TRPM4: variants seen among roughly 807,000 people sequenced by gnomAD.
TRPM4 encodes calcium-activated non-selective cation channel 1.
In TRPM4, 124 loss-of-function variants were observed where a neutral mutation model predicts 135.6. The ratio of observed to expected loss-of-function variants is 0.91; its 90% confidence interval spans 0.79 to 1.06. The LOEUF (loss-of-function observed/expected upper bound fraction) is 1.06. TRPM4 is among the 50% of genes least tolerant of loss of function. The probability of loss-of-function intolerance (pLI) is 0.00; values close to 1 mark genes in which losing one functional copy is unlikely to be tolerated. For synonymous variants in TRPM4, 745 were observed against 705.6 expected, an observed-to-expected ratio of 1.06 and a Z score of -0.88; for missense variants, 1,658 against 1,671.4, an observed-to-expected ratio of 0.99 and a Z score of 0.14.
Position 49,198,646 on chromosome 19 carries a change from CAAA to C in TRPM4, c.2646-1634_2646-1632del, listed in dbSNP as rs35173042. Among the ~76,000 whole-genome samples, 106 of 72,682 alleles carry C rather than the reference CAAA, an allele frequency of 1.5e-3. 1 individual carries two copies. The South Asian group carries it at 0.015, about 10-fold the overall frequency. 47.7% of individuals were successfully genotyped at this position (72,682 alleles called of 152,430 possible). A position where few individuals can be genotyped will look rare whatever the true frequency, so the allele number is the denominator to read the frequency against. On this transcript the variant is annotated intron_variant, in intron 17 of 24. Transcript: ENST00000252826. ...CTGGGTGAAAAGAGCAAAACTCTGT[CAAA>C]AAAAAAAAAAAAAAAAAAAGGGAGA...
chr19:49,157,958 A>G, intron 1 of TRPM4, 68 bp downstream of exon 1: 1 of 1,502,944 alleles, frequency 6.7e-7, no homozygotes, highest in Non-Finnish European at 8.9e-7. Flanking sequence ...CCCAGAGAGG[A>G]GGGCGCTGGA....
chr19:49,175,881 C>G (rs980159582), intron 9 of TRPM4, among the ~76,000 whole-genome samples: 5 of 149,340 alleles, frequency 3.3e-5, no homozygotes, highest in African/African-American at 1.2e-4. Context: ...CCCGCCTCGG[C>G]CTCCCAAAGT....
In TRPM4 at chr19:49,211,525, G is replaced by T. The variant is rs763559910; in HGVS notation, c.*27G>T. On this transcript the variant is annotated 3_prime_UTR_variant, in exon 25 of 25. Coordinates refer to ENST00000252826, the MANE Select transcript of TRPM4 (RefSeq NM_017636.4). This position sits in a 1 kb window ranked among gnomAD's most constrained non-coding sequence, Gnocchi z 4.8. ...CCCTGCTGGCGGACTTCAAGGAGAA[G>T]CCCCCACAGGGGATTTTGCTCCTAG... is the stretch of plus-strand genomic sequence containing the variant. The T allele has an allele frequency of 1.2e-6, 2 of 1,613,796 alleles. No individual in the cohort carries two copies. The highest frequency in any genetic ancestry group is 4.5e-5 in the East Asian group (2 of 44,882).
intron 17 of TRPM4, among the ~76,000 whole-genome samples, chr19:49,199,327 C>T (rs1427978564): frequency 1.3e-5 from 2 of 152,006 alleles, no homozygotes; most frequent in Non-Finnish European, 2.9e-5. Flanking sequence ...GGCGCGATCT[C>T]GGCTCACTGC....
chr19:49,182,354 GTCCATCCA>G (rs71180605), intron 10 of TRPM4, among the ~76,000 whole-genome samples: 100 of 79,734 alleles, frequency 1.3e-3, no homozygotes, highest in African/African-American at 3.2e-3. Context: ...CCATCCCTCT[GTCCATCCA>G]TCCATCCATC....
At chr19:49,193,926 C>T (rs1032344802) in intron 16 of TRPM4, among the ~76,000 whole-genome samples, 4 of 150,354 alleles carry the variant, frequency 2.7e-5, no homozygotes, top group Admixed American at 2.0e-4. Flanking sequence ...CCTTCTCCTC[C>T]TCCTCTTCAT....
At chr19:49,200,577 G>A in intron 18 of TRPM4, 34 bp from the exon 19 acceptor site, 1 of 1,608,448 alleles carries the variant, frequency 6.2e-7, no homozygotes, top group Non-Finnish European at 8.5e-7. Context: ...GAGTAGGAAA[G>A]GGCGGGGCCA....
rs536552348 is a variant in TRPM4 at position 49,184,646 on chromosome 19, A to AT, written c.1743+1441dup. Among the ~76,000 whole-genome samples, 86 of 150,930 alleles carry AT rather than the reference A, an allele frequency of 5.7e-4. No homozygotes were observed. In the East Asian group the frequency reaches 0.013, roughly 23 times the overall value. Reference sequence around the variant, plus strand: ...AGGTGCCCGCCACCACGCCCAGCTAATTTTTTTGTATTTTTTTAGAGACAG... The same window carrying AT: ...AGGTGCCCGCCACCACGCCCAGCTAATTTTTTTTGTATTTTTTTAGAGACAG... On this transcript the variant is annotated intron_variant, in intron 12 of 24. Transcript: ENST00000252826.
Position 49,188,942 on chromosome 19 carries a change from C to T in TRPM4, c.1874-4C>T. The T allele has an allele frequency of 6.2e-7, 1 of 1,614,128 alleles. No individual in the cohort carries two copies. Among genetic ancestry groups the T allele is most frequent in the Non-Finnish European group, 8.5e-7 (1 of 1,180,026 alleles). ...CTGTCACATAACTAACTCCTCTGCCCCAGACCTCTTTGGCGAGTGCTATCG... is the reference window on the plus strand; with the variant it reads ...CTGTCACATAACTAACTCCTCTGCCTCAGACCTCTTTGGCGAGTGCTATCG... On this transcript the variant is annotated splice_region_variant and splice_polypyrimidine_tract_variant and intron_variant, in intron 13 of 24. Coordinates refer to ENST00000252826, the MANE Select transcript of TRPM4 (RefSeq NM_017636.4).
At chr19:49,181,313 C>A in intron 9 of TRPM4, 36 bp from the exon 10 acceptor site, 1 of 1,508,552 alleles carries the variant, frequency 6.6e-7, no homozygotes, top group Non-Finnish European at 9.2e-7. Context: ...CCCTCCTCCC[C>A]TGACTTCTTG....
At chr19:49,201,087 A>T (rs934355576) in intron 19 of TRPM4, among the ~76,000 whole-genome samples, 7 of 150,898 alleles carry the variant, frequency 4.6e-5, no homozygotes, top group Admixed American at 4.6e-4. Flanking sequence ...CATAAATTTA[A>T]TTTTTTTAGT....
chr19:49,200,722 C>T lies in TRPM4; in HGVS notation c.2890C>T (p.Arg964Cys), dbSNP rs749078579. ...GGACAGTGACTTCCCAAGTATCCTG[C>T]GCCGCGTCTTCTACCGTCCCTACCT... ...PRDSDFPSILRRVFYRPYLQI... is the reference protein window; with the variant it reads ...PRDSDFPSILCRVFYRPYLQI... The change falls in exon 19 of 25, where the codon CGC (arginine) becomes TGC (cysteine). Residue 964 changes from arginine (R) to cysteine (C), a missense_variant. Coordinates refer to ENST00000252826, the MANE Select transcript of TRPM4 (RefSeq NM_017636.4). 7 of 1,613,962 alleles carry T rather than the reference C, an allele frequency of 4.3e-6. No homozygotes were observed. Among genetic ancestry groups the T allele is most frequent in the East Asian group, 2.2e-5 (1 of 44,890 alleles).
intron 1 of TRPM4, 78 bp downstream of exon 1, chr19:49,157,968 A>G: frequency 6.8e-7 from 1 of 1,477,480 alleles, no homozygotes; most frequent in Non-Finnish European, 9.1e-7. Context: ...AGGGCGCTGG[A>G]CACCCAGATT....
rs4436875 is a variant in TRPM4 at position 49,195,720 on chromosome 19, A to G, written c.2211-720A>G. 2.1e-3 allele frequency among the ~76,000 whole-genome samples: 275 copies of G among 132,328 alleles called. 11 individuals carry two copies. In the Admixed American group the frequency reaches 0.021, roughly 10 times the overall value. The allele number at this position is 132,328 out of a possible 152,430, so 86.8% of individuals were successfully genotyped here. ...TTTTTTTTAGACAGGGTCTCGCTCTATTGCCCAAGCTGGAGTGCAGTGGCA... is the reference window on the plus strand; with the variant it reads ...TTTTTTTTAGACAGGGTCTCGCTCTGTTGCCCAAGCTGGAGTGCAGTGGCA... On this transcript the variant is annotated intron_variant, in intron 16 of 24. Transcript: ENST00000252826.
chr19:49,182,685 G>A lies in TRPM4; in HGVS notation c.1371G>A (p.Pro457=), dbSNP rs1060504645. 2 of 1,614,058 alleles carry A rather than the reference G, an allele frequency of 1.2e-6. No homozygotes were observed. The highest frequency in any genetic ancestry group is 1.7e-6 in the Non-Finnish European group (2 of 1,180,032). Residue 457 remains proline (P), a synonymous_variant, in exon 11 of 25, where the codon CCG becomes CCA. Coordinates refer to ENST00000252826, the MANE Select transcript of TRPM4 (RefSeq NM_017636.4). Reference sequence around the variant, plus strand: ...TCAGCCTGGGCCACTTCCTGACCCCGATGCGCCTGGCCCAACTCTACAGCG... The same window carrying A: ...TCAGCCTGGGCCACTTCCTGACCCCAATGCGCCTGGCCCAACTCTACAGCG... The part of the protein sequence containing the change: ...HGLSLGHFLT[P]MRLAQLYSAA...
Position 49,200,366 on chromosome 19 carries a change from G to A in TRPM4, c.2712G>A (p.Val904=), listed in dbSNP as rs143447932. 6.2e-7 allele frequency: 1 copy of A among 1,614,052 alleles called. No homozygotes were observed. The highest frequency in any genetic ancestry group is 1.7e-5 in the Admixed American group (1 of 59,984). The change falls in exon 18 of 25, where the codon GTG becomes GTA. Residue 904 remains valine (V), a synonymous_variant. Coordinates refer to ENST00000252826, the MANE Select transcript of TRPM4 (RefSeq NM_017636.4). ...VLCIDFMVFT[V]RLLHIFTVNK... ...GCATCGACTTCATGGTTTTCACGGT[G>A]CGGCTGCTTCACATCTTCACGGTCA...
intron 17 of TRPM4, among the ~76,000 whole-genome samples, chr19:49,197,308 TTTTCTTTCTTTCTTTC>T (rs78342507): frequency 0.026 from 3,197 of 122,240 alleles, 58 homozygotes; most frequent in South Asian, 0.043. Context: ...CTTTCTTTCT[TTTTCTTTCTTTCTTTC>T]TTTCTTTCTT....
At chr19:49,170,582 C>CCTTTCTATTCCCATTTCCTTTA (rs1252497240) in intron 6 of TRPM4, among the ~76,000 whole-genome samples, 1 of 152,002 alleles carries the variant, frequency 6.6e-6, no homozygotes, top group African/African-American at 2.4e-5. Context: ...GTTAGATAGC[C>CCTTTCTATTCCCATTTCCTTTA]CTTTCTATTC....
chr19:49,197,511 C>T (rs1006151353), intron 17 of TRPM4, among the ~76,000 whole-genome samples: 8 of 146,184 alleles, frequency 5.5e-5, no homozygotes, highest in Non-Finnish European at 1.2e-4. Context: ...TTCCTTCCTT[C>T]CTTCTATGCT....
Sources: allele counts gnomAD v4.1 joint callset (sites outside exome capture counted in the v4.1 genomes callset), GRCh38; gene constraint gnomAD v4.1.1; non-coding constraint Gnocchi (gnomAD v3.1); transcripts MANE v1.5; gene names NCBI Gene and HGNC (gene_info 2026-07-23, HGNC 2026-07-21).